ZNF654: variants seen among roughly 807,000 people sequenced by gnomAD.
ZNF654 encodes zinc finger protein 654.
ZNF654 carries 19 observed loss-of-function variants against 95.3 expected under a neutral mutation model. The ratio of observed to expected loss-of-function variants is 0.20; its 90% confidence interval spans 0.14 to 0.29. The LOEUF (loss-of-function observed/expected upper bound fraction) is 0.29, where lower values mean the gene tolerates loss of function less well. Among genes scored for constraint, ZNF654 ranks in the 10% least tolerant of loss-of-function variants. ZNF654 has a pLI of 1.00. For synonymous variants in ZNF654, 413 were observed against 457.9 expected (o/e 0.90, Z 1.25); for missense variants, 1,046 against 1,341.0 (o/e 0.78, Z 3.44).
At chr3:88,126,074 A>G in intron 3 of ZNF654, 60 bp from the exon 4 acceptor site, 3 of 1,372,356 alleles carry the variant, frequency 2.2e-6, no homozygotes. Flanking sequence ...GACAATGATG[A>G]TCAAGTTTAG....
At chr3:88,095,661 CT>C (rs1559706531) in intron 2 of ZNF654, 2 of 475,412 alleles carry the variant, frequency 4.2e-6, no homozygotes, top group Admixed American at 2.3e-5. Flanking sequence ...ACTCTGTTCT[CT>C]TTTTTGGACT....
At chr3:88,114,564 C>G (rs1705275957) in intron 3 of ZNF654, among the ~76,000 whole-genome samples, 1 of 152,130 alleles carries the variant, frequency 6.6e-6, no homozygotes, top group Admixed American at 6.6e-5. Context: ...ATTCTAATTT[C>G]CATATACTAC....
intron 2 of ZNF654, among the ~76,000 whole-genome samples, chr3:88,102,373 A>G (rs962082586): frequency 6.6e-6 from 1 of 152,142 alleles, no homozygotes; most frequent in African/African-American, 2.4e-5. Flanking sequence ...TTTATTTTAA[A>G]TAGTTTTCTA....
At chr3:88,068,429 G>T (rs1707323328) in intron 1 of ZNF654, among the ~76,000 whole-genome samples, 1 of 152,126 alleles carries the variant, frequency 6.6e-6, no homozygotes, top group Non-Finnish European at 1.5e-5. Context: ...AAATTGTTCT[G>T]TGTACTGTGA....
At chr3:88,071,862 T>C (rs1250322898) in intron 1 of ZNF654, among the ~76,000 whole-genome samples, 1 of 152,214 alleles carries the variant, frequency 6.6e-6, no homozygotes, top group Non-Finnish European at 1.5e-5. Context: ...CATTTTGTAC[T>C]GTACTTTTAA....
intron 2 of ZNF654, among the ~76,000 whole-genome samples, chr3:88,098,934 A>G (rs1704230838): frequency 6.6e-6 from 1 of 152,230 alleles, no homozygotes; most frequent in Non-Finnish European, 1.5e-5. Flanking sequence ...ACAAGCAGGG[A>G]TGCCCTCTGT....
At chr3:88,072,446 G>C (rs1217026998) in intron 1 of ZNF654, among the ~76,000 whole-genome samples, 3 of 152,108 alleles carry the variant, frequency 2.0e-5, no homozygotes, top group Non-Finnish European at 4.4e-5. Context: ...ATCTAGCTCT[G>C]TGACTTTTTC....
intron 1 of ZNF654, among the ~76,000 whole-genome samples, chr3:88,069,142 C>T (rs1707363646): frequency 1.8e-5 from 1 of 55,652 alleles, no homozygotes; most frequent in Admixed American, 2.1e-4. Context: ...GATTCTCAGG[C>T]CAGGCGCCGT....
chr3:88,096,890 T>A (rs1393138647), intron 2 of ZNF654, among the ~76,000 whole-genome samples: 1 of 152,096 alleles, frequency 6.6e-6, no homozygotes, highest in African/African-American at 2.4e-5. Context: ...AATGCATATA[T>A]AAGAAAAAAA....
In ZNF654 at chr3:88,139,851, A is replaced by G; in HGVS notation, c.2182A>G (p.Asn728Asp). Residue 728 changes from asparagine to aspartate, a missense_variant, in exon 8 of 9, where the codon AAT becomes GAT. Physicochemically the swap from Asn to Asp is conservative, Grantham distance 23 (BLOSUM62 1). Around this residue, in one of 9 missense-constraint regions of ZNF654, gnomAD observed 495 missense variants for 537.0 expected, o/e 0.92. Coordinates refer to ENST00000636215, the MANE Select transcript of ZNF654 (RefSeq NM_001350134.2). The stretch of plus-strand genomic sequence containing the variant: ...AGAAACTTCAGTAATTCATAAAATC[A>G]ATGGAACTGTGTGCCATCCAAAAGA... ...NQETSVIHKI[N>D]GTVCHPKDIY... is the part of the protein sequence containing the mutation. 2 of 1,592,778 alleles carry G rather than the reference A, an allele frequency of 1.3e-6. No homozygotes were observed. Among genetic ancestry groups the G allele is most frequent in the Non-Finnish European group, 1.7e-6 (2 of 1,168,816 alleles).
chr3:88,100,677 G>A (rs1253466270), intron 2 of ZNF654, among the ~76,000 whole-genome samples: 1 of 152,142 alleles, frequency 6.6e-6, no homozygotes, highest in African/African-American at 2.4e-5. Flanking sequence ...GATGAAGCTG[G>A]AAACCATCAT....
chr3:88,135,687 T>C (rs1432949698), intron 7 of ZNF654, among the ~76,000 whole-genome samples: 2 of 152,078 alleles, frequency 1.3e-5, no homozygotes, highest in African/African-American at 4.8e-5. Context: ...GTTACCTCTT[T>C]CTAAAAATAG....
chr3:88,078,855 G>A (rs1234420243), intron 1 of ZNF654, among the ~76,000 whole-genome samples: 1 of 151,990 alleles, frequency 6.6e-6, no homozygotes, highest in Non-Finnish European at 1.5e-5. Context: ...CTGATTAATG[G>A]TTCTAAGGAT....
intron 1 of ZNF654, among the ~76,000 whole-genome samples, chr3:88,082,724 AAGGAG>A (rs1708144906): frequency 6.6e-6 from 1 of 152,246 alleles, no homozygotes; most frequent in African/African-American, 2.4e-5. Context: ...CATTACAAAA[AAGGAG>A]AGCTCAATTA....
chr3:88,101,477 C>G (rs906836368), intron 2 of ZNF654, among the ~76,000 whole-genome samples: 1 of 152,118 alleles, frequency 6.6e-6, no homozygotes, highest in Admixed American at 6.6e-5. Flanking sequence ...CTATTTTTCA[C>G]TTAGAATAAT....
intron 4 of ZNF654, among the ~76,000 whole-genome samples, chr3:88,126,616 A>T (rs1706120747): frequency 7.8e-6 from 1 of 128,472 alleles, no homozygotes; most frequent in South Asian, 2.6e-4. Flanking sequence ...AGAAACAAAA[A>T]GTCTGCTTTT....
intron 1 of ZNF654, among the ~76,000 whole-genome samples, chr3:88,084,326 T>G (rs1263472525): frequency 6.6e-6 from 1 of 152,160 alleles, no homozygotes; most frequent in Non-Finnish European, 1.5e-5. Flanking sequence ...AAGAAAAATG[T>G]GAGGCTGTCA....
chr3:88,107,046 CTT>C (rs1298636067), intron 2 of ZNF654, among the ~76,000 whole-genome samples: 2 of 152,130 alleles, frequency 1.3e-5, no homozygotes, highest in African/African-American at 2.4e-5. Context: ...TTTCATTTCT[CTT>C]GTTTCATGTT....
intron 1 of ZNF654, among the ~76,000 whole-genome samples, chr3:88,082,371 C>G (rs879255910): frequency 6.6e-6 from 1 of 152,164 alleles, no homozygotes; most frequent in Non-Finnish European, 1.5e-5. Context: ...GTGATCTGCC[C>G]GCCTTGGCCT....
Sources: allele counts gnomAD v4.1 joint callset (sites outside exome capture counted in the v4.1 genomes callset), GRCh38; gene constraint gnomAD v4.1.1; regional missense constraint gnomAD v4.1.1; transcripts MANE v1.5; gene names NCBI Gene and HGNC (gene_info 2026-07-23, HGNC 2026-07-21).